Variants in CCDC60 observed in about 807,000 individuals in gnomAD.
CCDC60 encodes coiled-coil domain containing 60.
A neutral mutation model predicts 63.5 loss-of-function variants in CCDC60; 54 were observed. The observed-to-expected ratio is 0.85, with a 90% CI of 0.68 to 1.07. The LOEUF is 1.07. Ranked by LOEUF, CCDC60 falls within the 50% of genes least tolerant of loss-of-function variation. The probability of loss-of-function intolerance (pLI) is 0.00; values close to 1 mark genes in which losing one functional copy is unlikely to be tolerated. For synonymous variants in CCDC60, 206 were observed against 238.8 expected (o/e 0.86, Z 1.27); for missense variants, 651 against 684.3 (o/e 0.95, Z 0.54).
chr12:119,387,030 TCTCTCA>T (rs1191262383), intron 1 of CCDC60, among the ~76,000 whole-genome samples: 2 of 115,026 alleles, frequency 1.7e-5, no homozygotes, highest in African/African-American at 7.6e-5. Flanking sequence ...CCCCTCTGTC[TCTCTCA>T]CACACACACA....
At chr12:119,398,099 G>T (rs1240741934) in intron 1 of CCDC60, among the ~76,000 whole-genome samples, 2 of 120,554 alleles carry the variant, frequency 1.7e-5, no homozygotes, top group African/African-American at 3.1e-5. Flanking sequence ...GAGGAAGGGG[G>T]CGGTGTGGGG....
At chr12:119,471,949 C>G in intron 2 of CCDC60, 45 bp from the exon 3 acceptor site, 1 of 1,551,102 alleles carries the variant, frequency 6.4e-7, no homozygotes, top group Non-Finnish European at 8.8e-7. Flanking sequence ...TCTCCACCCT[C>G]CCACCTTCCT....
At chr12:119,417,076 C>T (rs191107866) in intron 1 of CCDC60, among the ~76,000 whole-genome samples, 5 of 152,178 alleles carry the variant, frequency 3.3e-5, no homozygotes, top group East Asian at 1.9e-4. Context: ...GCCAAGATCG[C>T]GCCATTGCAC....
intron 1 of CCDC60, among the ~76,000 whole-genome samples, chr12:119,398,345 C>T (rs1279190728): frequency 2.0e-5 from 3 of 152,124 alleles, no homozygotes; most frequent in Admixed American, 6.5e-5. Flanking sequence ...CGTGGCCCTC[C>T]GAGCTTACGC....
intron 4 of CCDC60, among the ~76,000 whole-genome samples, chr12:119,482,054 T>C (rs991950967): frequency 2.7e-5 from 4 of 146,764 alleles, no homozygotes; most frequent in African/African-American, 5.0e-5. Flanking sequence ...TATATATGTG[T>C]GTATATATAT....
At chr12:119,501,342 G>A (rs1951845843) in intron 6 of CCDC60, among the ~76,000 whole-genome samples, 2 of 152,130 alleles carry the variant, frequency 1.3e-5, no homozygotes, top group South Asian at 4.1e-4. Context: ...TAACCCTATG[G>A]GGCACTATTC....
At chr12:119,453,824 G>A (rs1298673841) in intron 2 of CCDC60, among the ~76,000 whole-genome samples, 1 of 152,054 alleles carries the variant, frequency 6.6e-6, no homozygotes, top group Non-Finnish European at 1.5e-5. Flanking sequence ...GGAGGAGAAG[G>A]AAGAGGAAGA....
At chr12:119,371,263 T>C (rs1385839354) in intron 1 of CCDC60, among the ~76,000 whole-genome samples, 1 of 151,962 alleles carries the variant, frequency 6.6e-6, no homozygotes, top group Non-Finnish European at 1.5e-5. Flanking sequence ...AGATAATTAA[T>C]AAAAAATGCA....
At chr12:119,380,932 T>G (rs777868341) in intron 1 of CCDC60, among the ~76,000 whole-genome samples, 3 of 152,252 alleles carry the variant, frequency 2.0e-5, no homozygotes, top group Non-Finnish European at 4.4e-5. Flanking sequence ...TTATCACGTT[T>G]CTAAAATGAG....
At chr12:119,463,909 A>T (rs1272044963) in intron 2 of CCDC60, among the ~76,000 whole-genome samples, 9 of 152,102 alleles carry the variant, frequency 5.9e-5, no homozygotes, top group Non-Finnish European at 1.3e-4. Context: ...CCAGACCATC[A>T]CTGTTACCTG....
rs191002441 is a variant in CCDC60, at chr12:119,499,217, G to A, written c.558-861G>A. On this transcript the variant is annotated intron_variant, in intron 5 of 13. Transcript: ENST00000327554. ...AGATTTCATACAAGGAATTATGGGT[G>A]TGTCACCAACAGAACCTACTGGGCT... is the stretch of plus-strand genomic sequence containing the variant. 2.0e-5 allele frequency among the ~76,000 whole-genome samples: 3 copies of A among 152,314 alleles called. No homozygotes were observed. In the East Asian group the frequency reaches 5.8e-4, roughly 29 times the overall value.
At chr12:119,488,093 C>A (rs1443903499) in intron 4 of CCDC60, among the ~76,000 whole-genome samples, 1 of 152,200 alleles carries the variant, frequency 6.6e-6, no homozygotes, top group Non-Finnish European at 1.5e-5. Flanking sequence ...TGGGATTACA[C>A]AAATGCGCCA....
At chr12:119,402,109 G>T (rs574453869) in intron 1 of CCDC60, among the ~76,000 whole-genome samples, 1 of 152,304 alleles carries the variant, frequency 6.6e-6, no homozygotes. Context: ...AGCCAGGGAG[G>T]TGGAATATTC....
intron 8 of CCDC60, among the ~76,000 whole-genome samples, chr12:119,519,071 C>T (rs943894364): frequency 3.3e-5 from 5 of 152,166 alleles, no homozygotes; most frequent in Non-Finnish European, 5.9e-5. Context: ...TACAGAGAGA[C>T]GGTTAGGAAA....
chr12:119,341,640 C>T (rs1955533853), intron 1 of CCDC60, among the ~76,000 whole-genome samples: 1 of 152,200 alleles, frequency 6.6e-6, no homozygotes, highest in South Asian at 2.1e-4. Context: ...GTGCTCCTCT[C>T]CCTTCTCTGA....
chr12:119,447,030 TC>T (rs1004111589), intron 2 of CCDC60, among the ~76,000 whole-genome samples: 47 of 152,174 alleles, frequency 3.1e-4, no homozygotes, highest in Middle Eastern at 3.2e-3. Context: ...GATAGCTTAA[TC>T]CTGGGGATCA....
Position 119,474,899 on chromosome 12 carries a change from G to C in CCDC60, c.341+2735G>C, listed in dbSNP as rs76332251. Among the ~76,000 whole-genome samples, 202 of 152,246 alleles carry C rather than the reference G, an allele frequency of 1.3e-3. 1 individual carries two copies. The highest frequency in any genetic ancestry group is 4.6e-3 in the African/African-American group (190 of 41,534). On this transcript the variant is annotated intron_variant, in intron 3 of 13. Coordinates refer to ENST00000327554, the MANE Select transcript of CCDC60 (RefSeq NM_178499.5). ...TTTTTCAAGTAGAACAAGGGTTCTT[G>C]TCTATGAGGCCTGGGGTATTGAGTC...
intron 11 of CCDC60, among the ~76,000 whole-genome samples, chr12:119,525,498 T>C (rs1193468938): frequency 6.6e-6 from 1 of 152,162 alleles, no homozygotes; most frequent in Non-Finnish European, 1.5e-5. Context: ...ATATTCAACA[T>C]TCTTAAAGAA....
intron 1 of CCDC60, among the ~76,000 whole-genome samples, chr12:119,368,667 C>A (rs1229127674): frequency 6.6e-6 from 1 of 152,214 alleles, no homozygotes; most frequent in Non-Finnish European, 1.5e-5. Context: ...CAAATACATG[C>A]CCTTTTGCCC....
Sources: allele counts gnomAD v4.1 joint callset (sites outside exome capture counted in the v4.1 genomes callset), GRCh38; gene constraint gnomAD v4.1.1; transcripts MANE v1.5; gene names NCBI Gene and HGNC (gene_info 2026-07-23, HGNC 2026-07-21).